The following ITGAD variants were observed in gnomAD, a reference collection of about 807,000 sequenced individuals.
ITGAD encodes integrin alpha-D.
Under a neutral mutation model 139.0 loss-of-function variants are expected in ITGAD, and 105 were observed. The ratio of observed to expected loss-of-function variants is 0.76; its 90% CI spans 0.65 to 0.89. The LOEUF (loss-of-function observed/expected upper bound fraction) is 0.89. ITGAD is among the 40% of genes least tolerant of loss of function. The pLI is 0.00. For missense variants in ITGAD, 1,384 were observed against 1,487.3 expected, an observed-to-expected ratio of 0.93 and a Z score of 1.14; for synonymous variants, 569 against 598.3, an observed-to-expected ratio of 0.95 and a Z score of 0.71.
At position 31,394,226 on chromosome 16, in the gene ITGAD, T is replaced by G. The variant is rs1163714953; in HGVS notation, c.32-10T>G. On this transcript the variant is annotated splice_polypyrimidine_tract_variant and intron_variant, in intron 1 of 29. Transcript: ENST00000389202. ...ACTCCCAGCCTCCCCGCCCACCAAA[T>G]ATTCCTCAGTCCTGGCTTCTTATCA... is the stretch of plus-strand genomic sequence containing the variant. The G allele has an allele frequency of 2.5e-6, 4 of 1,590,702 alleles. No individual in the cohort carries two copies. The highest frequency in any genetic ancestry group is 3.4e-6 in the Non-Finnish European group (4 of 1,161,234).
intron 10 of ITGAD, chr16:31,408,743 G>A (rs1016610605): frequency 3.8e-5 from 18 of 478,708 alleles, no homozygotes; most frequent in Non-Finnish European, 6.5e-5. Context: ...ATAGCACTAA[G>A]CATCAGGGTA....
rs779382137 is a variant in ITGAD, at chr16:31,403,537, A to G, written c.596A>G (p.His199Arg). Residue 199 changes from histidine to arginine, a missense_variant, in exon 7 of 30, where the codon CAC becomes CGC. Coordinates refer to ENST00000389202, the MANE Select transcript of ITGAD (RefSeq NM_005353.3). The surrounding 1 kb of genome is among the most constrained non-coding windows in gnomAD (Gnocchi z 4.4). ...CAGTACTCAAACCTCCTGAAGATCC[A>G]CTTCACCTTCACCCAATTCCGGACC... Reference protein sequence around the residue: ...LMQYSNLLKIHFTFTQFRTSP... With the variant: ...LMQYSNLLKIRFTFTQFRTSP... 9 of 1,614,152 alleles carry G rather than the reference A, an allele frequency of 5.6e-6. No individual in the cohort carries two copies. In the Admixed American group the frequency reaches 1.2e-4, roughly 21 times the overall value.
Position 31,423,945 on chromosome 16 carries a change from G to T in ITGAD, c.3146G>T (p.Gly1049Val). 6.2e-7 allele frequency: 1 copy of T among 1,614,150 alleles called. No individual in the cohort carries two copies. ...ACCCTGAAGGGCAATCTCAGTTTCG[G>T]CTGGGTCCGCGAGGTGTGTGGGGGC... Reference protein sequence around the residue: ...DFTLKGNLSFGWVRETLQKKV... With the variant: ...DFTLKGNLSFVWVRETLQKKV... Residue 1049 changes from glycine to valine, a missense_variant, in exon 27 of 30, where the codon GGC (glycine) becomes GTC (valine). Transcript: ENST00000389202.
chr16:31,402,239 C>A lies in ITGAD; in HGVS notation c.552C>A (p.Asp184Glu), dbSNP rs1278321737. Residue 184 changes from aspartate to glutamate, a missense_variant, in exon 6 of 30, where the codon GAC becomes GAA. Coordinates refer to ENST00000389202, the MANE Select transcript of ITGAD (RefSeq NM_005353.3). ...TCATGGGCCAGTTTGAGGGCACTGA[C>A]ACCCTGGTGAAGACTGGGCACCTGG... is the stretch of plus-strand genomic sequence containing the variant. ...QAVMGQFEGT[D>E]TLFALMQYSN... is the part of the protein sequence containing the mutation. The A allele has an allele frequency of 1.3e-6, 2 of 1,541,930 alleles. No homozygotes were observed. Among genetic ancestry groups the A allele is most frequent in the Admixed American group, 3.4e-5 (2 of 58,430 alleles).
Position 31,411,385 on chromosome 16 carries a change from A to T in ITGAD, c.1575A>T (p.Thr525=). Residue 525 remains threonine (T), a synonymous_variant, in exon 14 of 30, where the codon ACA becomes ACT. Transcript: ENST00000389202. ...HPWGRFGAAL[T]VLGDVNEDKL... ...GGGGCCGCTTTGGGGCAGCCCTGAC[A>T]GTGTTGGGGGATGTGAATGAGGACA... The T allele has an allele frequency of 6.2e-7, 1 of 1,613,928 alleles. No individual in the cohort carries two copies. Among genetic ancestry groups the T allele is most frequent in the Non-Finnish European group, 8.5e-7 (1 of 1,179,936 alleles).
intron 2 of ITGAD, among the ~76,000 whole-genome samples, chr16:31,395,564 G>T (rs943104860): frequency 1.3e-5 from 2 of 152,138 alleles, no homozygotes; most frequent in South Asian, 4.1e-4. Context: ...AATAAAAAAC[G>T]TCAGGACAGG....
intron 2 of ITGAD, among the ~76,000 whole-genome samples, chr16:31,396,517 G>A (rs149171721): frequency 5.5e-4 from 83 of 152,282 alleles, no homozygotes; most frequent in Middle Eastern, 3.4e-3. Context: ...TTTGCTCATC[G>A]TTTGTATCAG....
intron 29 of ITGAD, 100 bp downstream of exon 29, chr16:31,424,677 AACCTCC>A: frequency 1.5e-6 from 1 of 688,206 alleles, no homozygotes; most frequent in Non-Finnish European, 2.4e-6. Flanking sequence ...GGCTCACTGC[AACCTCC>A]ACCTCCCGGG....
At chr16:31,400,511 G>A (rs1239514652) in intron 5 of ITGAD, among the ~76,000 whole-genome samples, 2 of 152,208 alleles carry the variant, frequency 1.3e-5, no homozygotes, top group South Asian at 2.1e-4. Flanking sequence ...CCCCCCATGA[G>A]CCTGGGGACA....
chr16:31,405,400 C>CT (rs564364855), intron 7 of ITGAD, among the ~76,000 whole-genome samples: 98 of 152,222 alleles, frequency 6.4e-4, no homozygotes, highest in African/African-American at 2.2e-3. Context: ...GGTAAGGAAA[C>CT]TTTTTTTAAA....
chr16:31,424,077 C>T (rs2082062626), intron 27 of ITGAD, 25 bp from the exon 28 acceptor site: 1 of 1,613,982 alleles, frequency 6.2e-7, no homozygotes, highest in Non-Finnish European at 8.5e-7. Flanking sequence ...GCCAGTTCCA[C>T]AGGTTTCCCC....
chr16:31,418,987 G>A (rs1199618232), intron 23 of ITGAD, among the ~76,000 whole-genome samples: 1 of 142,184 alleles, frequency 7.0e-6, no homozygotes, highest in African/African-American at 2.7e-5. Flanking sequence ...TCATGCCACT[G>A]CACTCCAGCC....
chr16:31,413,406 T>G (rs78656641), intron 16 of ITGAD, among the ~76,000 whole-genome samples, 160 bp downstream of exon 16: 5,488 of 152,162 alleles, frequency 0.036, 153 homozygotes, highest in Non-Finnish European at 0.054. Context: ...TCCTCACACC[T>G]GGGCCTGTGG....
chr16:31,396,541 G>A (rs1271964978), intron 2 of ITGAD, among the ~76,000 whole-genome samples: 2 of 152,194 alleles, frequency 1.3e-5, no homozygotes, highest in Non-Finnish European at 2.9e-5. Flanking sequence ...GTTCCAAACT[G>A]CTACCTCTCT....
intron 10 of ITGAD, among the ~76,000 whole-genome samples, chr16:31,409,138 C>G (rs1429187125): frequency 6.6e-6 from 1 of 151,764 alleles, no homozygotes; most frequent in Non-Finnish European, 1.5e-5. Context: ...ACTAAAAATA[C>G]AAAAAAATTA....
chr16:31,420,256 C>T (rs1748263162), intron 23 of ITGAD, among the ~76,000 whole-genome samples: 1 of 152,084 alleles, frequency 6.6e-6, no homozygotes, highest in Non-Finnish European at 1.5e-5. Flanking sequence ...CAAGGCAGCG[C>T]AGGAAAGGCA....
chr16:31,398,612 G>T (rs2081331537), intron 5 of ITGAD, among the ~76,000 whole-genome samples: 1 of 151,760 alleles, frequency 6.6e-6, no homozygotes, highest in South Asian at 2.1e-4. Flanking sequence ...CTACTGAGTA[G>T]TTGGGACTGC....
At chr16:31,412,100 C>G (rs2081736717) in intron 14 of ITGAD, among the ~76,000 whole-genome samples, 1 of 150,684 alleles carries the variant, frequency 6.6e-6, no homozygotes, top group Non-Finnish European at 1.5e-5. Flanking sequence ...GACAGAGTCT[C>G]ACTCTGTCGC....
chr16:31,410,986 A>G, intron 12 of ITGAD, 90 bp from the exon 13 acceptor site: 1 of 1,598,826 alleles, frequency 6.3e-7, no homozygotes, highest in Non-Finnish European at 8.5e-7. Context: ...GCCTTGGGAG[A>G]GGTCCTGGTA....
Sources: gnomAD v4.1 joint callset for allele counts (sites outside exome capture counted in the v4.1 genomes callset) on GRCh38, gnomAD v4.1.1 for gene constraint, Gnocchi (gnomAD v3.1) non-coding constraint, MANE v1.5 for transcripts, NCBI Gene and HGNC (gene_info 2026-07-23, HGNC 2026-07-21) for gene names.